PRKN: variants seen among roughly 807,000 people sequenced by gnomAD.
The protein encoded by PRKN is E3 ubiquitin-protein ligase parkin.
A neutral mutation model predicts 59.5 loss-of-function variants in PRKN; 56 were observed. The ratio of observed to expected loss-of-function variants is 0.94; its 90% confidence interval spans 0.76 to 1.18. The LOEUF (loss-of-function observed/expected upper bound fraction) is 1.18. Among genes scored for constraint, PRKN ranks in the 50% most tolerant of loss-of-function variants. PRKN has a pLI of 0.00. For synonymous variants in PRKN, 250 were observed against 222.1 expected, an observed-to-expected ratio of 1.13 and a Z score of -1.12; for missense variants, 657 against 596.4, an observed-to-expected ratio of 1.10 and a Z score of -1.06.
At chr6:162,036,267 T>C (rs980013106) in intron 5 of PRKN, among the ~76,000 whole-genome samples, 1 of 151,450 alleles carries the variant, frequency 6.6e-6, no homozygotes. Context: ...GAGCTTGCAG[T>C]GAGCCGAGAT....
At chr6:161,616,624 A>C (rs1471416808) in intron 7 of PRKN, among the ~76,000 whole-genome samples, 1 of 151,344 alleles carries the variant, frequency 6.6e-6, no homozygotes, top group African/African-American at 2.4e-5. Context: ...ATATGTTCTC[A>C]CTGTTCAACT....
At chr6:162,644,155 G>A (rs1384775635) in intron 1 of PRKN, among the ~76,000 whole-genome samples, 1 of 152,048 alleles carries the variant, frequency 6.6e-6, no homozygotes, top group African/African-American at 2.4e-5. Context: ...AATCATAAAA[G>A]GCTCCTCGGC....
intron 1 of PRKN, among the ~76,000 whole-genome samples, chr6:162,523,570 C>A (rs961867732): frequency 1.3e-5 from 2 of 152,020 alleles, no homozygotes; most frequent in African/African-American, 4.8e-5. Context: ...GAGGCTGAGG[C>A]ATGAGAATCA....
intron 7 of PRKN, among the ~76,000 whole-genome samples, chr6:161,749,338 C>T (rs550418468): frequency 2.1e-4 from 32 of 152,194 alleles, no homozygotes; most frequent in African/African-American, 6.3e-4. Context: ...TGCATATGTA[C>T]GCACATACAC....
Position 161,357,151 on chromosome 6 carries a change from A to G in PRKN, c.1285+2937T>C, listed in dbSNP as rs1224797286. Among the ~76,000 whole-genome samples, 1 of 148,672 alleles carries G rather than the reference A, an allele frequency of 6.7e-6. No homozygotes were observed. Among genetic ancestry groups the G allele is most frequent in the Admixed American group, 6.8e-5 (1 of 14,608 alleles). On this transcript the variant is annotated intron_variant, in intron 11 of 11. Transcript: ENST00000366898. This position sits in a 1 kb window ranked among gnomAD's most constrained non-coding sequence, Gnocchi z 5.5. ...ACTGCAAATTCCGCCTCCCAGGTTC[A>G]AGTAATTCTCCTGCCTCAGGTTCCC...
At chr6:162,115,020 A>C (rs903284929) in intron 4 of PRKN, among the ~76,000 whole-genome samples, 3 of 151,854 alleles carry the variant, frequency 2.0e-5, no homozygotes, top group African/African-American at 7.3e-5. Context: ...ACTATAAATC[A>C]TGCTGCTATA....
At chr6:161,827,723 C>G (rs6455778) in intron 6 of PRKN, among the ~76,000 whole-genome samples, 102,707 of 151,896 alleles carry the variant, frequency 0.68, 34,833 homozygotes, top group Middle Eastern at 0.77. Flanking sequence ...GGCCAGTCTG[C>G]TCTTGAACTC....
At chr6:161,945,846 C>T (rs539309990) in intron 6 of PRKN, among the ~76,000 whole-genome samples, 62 of 152,242 alleles carry the variant, frequency 4.1e-4, no homozygotes, top group African/African-American at 1.5e-3. Context: ...TGTGTCACAC[C>T]CTAGATTTTA....
intron 7 of PRKN, among the ~76,000 whole-genome samples, chr6:161,620,182 A>G (rs1438469809): frequency 7.6e-6 from 1 of 132,358 alleles, no homozygotes; most frequent in African/African-American, 2.9e-5. Context: ...TTGTATTTTT[A>G]GTAGAGATGG....
At position 162,340,147 on chromosome 6, in the gene PRKN, T is replaced by TTA. The variant is rs370676100; in HGVS notation, c.172-77383_172-77382insTA. The stretch of plus-strand genomic sequence containing the variant: ...AAGAATTATCAATAAAAAAATAAAT[T>TTA]AAAAAAAAAAAAAGTAGTCTCTGAT... On this transcript the variant is annotated intron_variant, in intron 2 of 11. Coordinates refer to ENST00000366898, the MANE Select transcript of PRKN (RefSeq NM_004562.3). Among the ~76,000 whole-genome samples, 71 of 144,612 alleles carry TTA rather than the reference T, an allele frequency of 4.9e-4. 1 individual carries two copies. In the Middle Eastern group the frequency reaches 0.011, roughly 22 times the overall value. The allele number at this position is 144,612 out of a possible 152,430, so 94.9% of individuals were successfully genotyped here. A position where few individuals can be genotyped will look rare whatever the true frequency, so the allele number is the denominator to read the frequency against.
chr6:162,318,440 A>G (rs763998015), intron 2 of PRKN, among the ~76,000 whole-genome samples: 76 of 152,194 alleles, frequency 5.0e-4, no homozygotes, highest in Admixed American at 9.2e-4. Flanking sequence ...ATGTACAGAT[A>G]TCTGTTCAAG....
At chr6:162,067,757 G>A (rs1043941536) in intron 4 of PRKN, among the ~76,000 whole-genome samples, 4 of 152,098 alleles carry the variant, frequency 2.6e-5, no homozygotes, top group Non-Finnish European at 5.9e-5. Context: ...AACAAAACAA[G>A]GTGGGCAGTG....
At chr6:162,314,984 A>T (rs1158209558) in intron 2 of PRKN, among the ~76,000 whole-genome samples, 1 of 152,162 alleles carries the variant, frequency 6.6e-6, no homozygotes, top group Non-Finnish European at 1.5e-5. Flanking sequence ...GTAGATCACC[A>T]GGGTTTCATG....
rs555365868 is a variant in PRKN at position 162,370,286 on chromosome 6, A to G, written c.171+73024T>C. 2.0e-5 allele frequency among the ~76,000 whole-genome samples: 3 copies of G among 152,266 alleles called. No homozygotes were observed. The South Asian group carries it at 6.2e-4, about 32-fold the overall frequency. ...TTTGGATGTTGCCTCTCATGGAGAT[A>G]TATCTCATTGACCCTTTCGAATTCA... is the stretch of plus-strand genomic sequence containing the variant. On this transcript the variant is annotated intron_variant, in intron 2 of 11. Transcript: ENST00000366898.
intron 9 of PRKN, among the ~76,000 whole-genome samples, chr6:161,521,136 CA>C (rs1421009932): frequency 6.6e-6 from 1 of 152,114 alleles, no homozygotes; most frequent in Admixed American, 6.5e-5. Flanking sequence ...AATTATTAGA[CA>C]GTGTCAGAGT....
intron 1 of PRKN, among the ~76,000 whole-genome samples, chr6:162,519,102 G>A (rs981712298): frequency 6.6e-5 from 10 of 151,964 alleles, no homozygotes; most frequent in African/African-American, 2.2e-4. Flanking sequence ...CCCGGGAGGC[G>A]GAAGTTGCAG....
At chr6:161,832,631 A>G (rs1792553648) in intron 6 of PRKN, among the ~76,000 whole-genome samples, 1 of 151,110 alleles carries the variant, frequency 6.6e-6, no homozygotes, top group South Asian at 2.1e-4. Context: ...CTCAAAAAAA[A>G]AAAAAAAAAA....
chr6:161,805,138 T>C (rs1043137017), intron 6 of PRKN, among the ~76,000 whole-genome samples: 7 of 152,108 alleles, frequency 4.6e-5, no homozygotes, highest in Non-Finnish European at 1.0e-4. Context: ...CTGAATACAG[T>C]CATGAATTTT....
At chr6:162,164,769 C>A (rs941505193) in intron 4 of PRKN, among the ~76,000 whole-genome samples, 1 of 148,814 alleles carries the variant, frequency 6.7e-6, no homozygotes, top group East Asian at 1.9e-4. Flanking sequence ...AATGATCTCA[C>A]CAAGCTTAAT....
Sources: gnomAD v4.1 joint callset for allele counts (sites outside exome capture counted in the v4.1 genomes callset) on GRCh38, gnomAD v4.1.1 for gene constraint, Gnocchi (gnomAD v3.1) non-coding constraint, MANE v1.5 for transcripts, NCBI Gene and HGNC (gene_info 2026-07-23, HGNC 2026-07-21) for gene names.